PLCB4: variants seen among roughly 807,000 people sequenced by gnomAD.
PLCB4 encodes the protein 1-phosphatidylinositol 4,5-bisphosphate phosphodiesterase beta-4.
Under a neutral mutation model 178.8 loss-of-function variants are expected in PLCB4, and 77 were observed. That is an observed-to-expected ratio of 0.43 (90% confidence interval 0.36 to 0.52). The LOEUF (loss-of-function observed/expected upper bound fraction) is 0.52, where lower values mean the gene tolerates loss of function less well. Among genes scored for constraint, PLCB4 ranks in the 20% least tolerant of loss-of-function variants. PLCB4 has a pLI of 0.00. For synonymous variants in PLCB4, 496 were observed against 490.8 expected, an observed-to-expected ratio of 1.01 and a Z score of -0.14; for missense variants, 1,024 against 1,453.4, an observed-to-expected ratio of 0.70 and a Z score of 4.80.
chr20:9,167,317 T>C (rs929153067), intron 2 of PLCB4, among the ~76,000 whole-genome samples: 3 of 152,190 alleles, frequency 2.0e-5, no homozygotes, highest in African/African-American at 7.2e-5. Flanking sequence ...TTAAATATAA[T>C]GTGATAAAGC....
intron 25 of PLCB4, among the ~76,000 whole-genome samples, chr20:9,415,745 G>A (rs1205445521): frequency 6.6e-6 from 1 of 152,196 alleles, no homozygotes; most frequent in African/African-American, 2.4e-5. Flanking sequence ...AAAATGAAGG[G>A]CTCCTGAGAA....
intron 32 of PLCB4, among the ~76,000 whole-genome samples, chr20:9,450,679 G>A (rs1350167400): frequency 6.0e-5 from 1 of 16,692 alleles, no homozygotes; most frequent in East Asian, 1.7e-3. Context: ...TTTTTTTTTT[G>A]AGATGGAGTC....
At chr20:9,389,434 A>G (rs1346981627) in intron 15 of PLCB4, among the ~76,000 whole-genome samples, 1 of 152,190 alleles carries the variant, frequency 6.6e-6, no homozygotes, top group Non-Finnish European at 1.5e-5. Flanking sequence ...GAGGAAAGTC[A>G]GTGAAAGCCT....
intron 28 of PLCB4, among the ~76,000 whole-genome samples, chr20:9,427,332 C>G (rs1356354827): frequency 2.0e-5 from 3 of 150,962 alleles, no homozygotes; most frequent in Non-Finnish European, 2.9e-5. Context: ...CTAAGCAGCC[C>G]AGATGCAAAA....
intron 3 of PLCB4, among the ~76,000 whole-genome samples, chr20:9,303,752 T>C (rs2094732135): frequency 6.6e-6 from 1 of 152,122 alleles, no homozygotes; most frequent in Admixed American, 6.5e-5. Flanking sequence ...TAAAATTCCA[T>C]TTTTAGTTTT....
intron 3 of PLCB4, among the ~76,000 whole-genome samples, chr20:9,238,157 T>A (rs1359244826): frequency 6.6e-6 from 1 of 152,144 alleles, no homozygotes; most frequent in Non-Finnish European, 1.5e-5. Context: ...GAATGGTGAT[T>A]CTGAGAAGTA....
At chr20:9,371,499 C>A (rs2036252144) in intron 10 of PLCB4, among the ~76,000 whole-genome samples, 1 of 152,102 alleles carries the variant, frequency 6.6e-6, no homozygotes, top group African/African-American at 2.4e-5. Context: ...TTCCTCCCTT[C>A]CTTCCTTTTG....
intron 25 of PLCB4, among the ~76,000 whole-genome samples, chr20:9,417,519 G>A (rs2040335265): frequency 6.6e-6 from 1 of 152,070 alleles, no homozygotes; most frequent in African/African-American, 2.4e-5. Context: ...AGGTTGTAAT[G>A]TGTATCAATA....
At chr20:9,346,836 G>A (rs1168523458) in intron 7 of PLCB4, among the ~76,000 whole-genome samples, 1 of 151,986 alleles carries the variant, frequency 6.6e-6, no homozygotes, top group Admixed American at 6.6e-5. Context: ...TTGAGTTTAC[G>A]GACCACCAGT....
At chr20:9,314,052 C>T (rs58415799) in intron 4 of PLCB4, among the ~76,000 whole-genome samples, 22 of 152,042 alleles carry the variant, frequency 1.4e-4, no homozygotes, top group Admixed American at 1.3e-3. Flanking sequence ...AAGGGAGAGG[C>T]CAGGGCTTCT....
chr20:9,079,720 T>A (rs1246480927), intron 1 of PLCB4, among the ~76,000 whole-genome samples: 1 of 152,174 alleles, frequency 6.6e-6, no homozygotes, highest in African/African-American at 2.4e-5. Context: ...AAAATAAAAC[T>A]GCATCTACAG....
chr20:9,133,736 C>T (rs750368100), intron 2 of PLCB4, among the ~76,000 whole-genome samples: 1 of 152,204 alleles, frequency 6.6e-6, no homozygotes, highest in African/African-American at 2.4e-5. Context: ...CCACCCTCAG[C>T]GAGCTTTCCT....
At chr20:9,414,958 A>C (rs1264691001) in intron 25 of PLCB4, among the ~76,000 whole-genome samples, 1 of 152,176 alleles carries the variant, frequency 6.6e-6, no homozygotes, top group Non-Finnish European at 1.5e-5. Flanking sequence ...ACCCCAGTGG[A>C]TGCCTGAAAC....
chr20:9,471,480 A>G (rs1424060656), intron 36 of PLCB4, among the ~76,000 whole-genome samples: 1 of 152,166 alleles, frequency 6.6e-6, no homozygotes, highest in Non-Finnish European at 1.5e-5. Context: ...GCTTTGAAAA[A>G]CTAAGTCTAC....
intron 18 of PLCB4, among the ~76,000 whole-genome samples, chr20:9,394,556 G>A (rs2038415595): frequency 6.6e-6 from 1 of 152,040 alleles, no homozygotes; most frequent in Non-Finnish European, 1.5e-5. Flanking sequence ...TAATCCTAAT[G>A]TATGAAACAC....
chr20:9,318,106 G>A (rs1335239706), intron 4 of PLCB4, among the ~76,000 whole-genome samples: 2 of 151,986 alleles, frequency 1.3e-5, no homozygotes, highest in African/African-American at 2.4e-5. Flanking sequence ...CCCAGATTGC[G>A]CTATTGCACT....
chr20:9,168,553 G>C (rs2093010445), intron 2 of PLCB4, among the ~76,000 whole-genome samples: 1 of 152,206 alleles, frequency 6.6e-6, no homozygotes, highest in Non-Finnish European at 1.5e-5. Context: ...GGTGTGGGGT[G>C]ATGAGGCCTG....
intron 2 of PLCB4, among the ~76,000 whole-genome samples, chr20:9,106,108 C>A (rs927179762): frequency 8.6e-5 from 13 of 151,968 alleles, no homozygotes; most frequent in East Asian, 1.9e-4. Context: ...TAAACTCTGA[C>A]AACCTTATCA....
At chr20:9,318,859 G>C (rs563613186) in intron 4 of PLCB4, among the ~76,000 whole-genome samples, 2 of 152,342 alleles carry the variant, frequency 1.3e-5, no homozygotes, top group South Asian at 2.1e-4. Flanking sequence ...TAAAATTACA[G>C]TGCTGATTCT....
Sources: allele counts gnomAD v4.1 joint callset (sites outside exome capture counted in the v4.1 genomes callset), GRCh38; gene constraint gnomAD v4.1.1; transcripts MANE v1.5; gene names NCBI Gene and HGNC (gene_info 2026-07-23, HGNC 2026-07-21).